Variants in VPS8 observed in about 807,000 individuals in gnomAD.
The protein encoded by VPS8 is vacuolar protein sorting-associated protein 8 homolog.
Under a neutral mutation model 216.4 loss-of-function variants are expected in VPS8, and 129 were observed. The ratio of observed to expected loss-of-function variants is 0.60; its 90% CI spans 0.52 to 0.69. The LOEUF is 0.69. Ranked by LOEUF, VPS8 falls within the 30% of genes least tolerant of loss-of-function variation. VPS8 has a pLI of 0.00. For missense variants in VPS8, 1,531 were observed against 1,683.5 expected (o/e 0.91, Z 1.59); for synonymous variants, 571 against 565.4 (o/e 1.01, Z -0.14).
At chr3:184,907,387 A>G (rs1735688451) in intron 25 of VPS8, among the ~76,000 whole-genome samples, 1 of 152,180 alleles carries the variant, frequency 6.6e-6, no homozygotes, top group Non-Finnish European at 1.5e-5. Context: ...TCCACAAGGA[A>G]TTTCCTTGTG....
At chr3:184,864,290 G>C (rs142818413) in intron 16 of VPS8, among the ~76,000 whole-genome samples, 215 of 152,312 alleles carry the variant, frequency 1.4e-3, no homozygotes, top group African/African-American at 4.8e-3. Flanking sequence ...TTCCAGCCTT[G>C]AGAGAGCATC....
At chr3:184,882,627 T>C (rs1397969322) in intron 21 of VPS8, among the ~76,000 whole-genome samples, 2 of 152,112 alleles carry the variant, frequency 1.3e-5, no homozygotes, top group East Asian at 3.8e-4. Flanking sequence ...AGGGATTGTA[T>C]AGGATTTGTT....
chr3:184,982,764 T>A (rs1423456728), intron 41 of VPS8, 117 bp downstream of exon 41: 4 of 882,314 alleles, frequency 4.5e-6, no homozygotes, highest in Non-Finnish European at 6.8e-6. Flanking sequence ...GATTTTTCCT[T>A]AATGAAACCA....
chr3:184,889,403 T>G (rs866427094), intron 22 of VPS8, among the ~76,000 whole-genome samples: 33 of 152,154 alleles, frequency 2.2e-4, no homozygotes, highest in African/African-American at 7.7e-4. Context: ...CTCTTCCTGG[T>G]GCTTTTCATA....
chr3:184,812,780 G>A (rs1334154386), intron 1 of VPS8: 1 of 152,362 alleles, frequency 6.6e-6, no homozygotes, highest in East Asian at 1.9e-4. Context: ...CCCACTCCCG[G>A]GCGGAACAGG....
At chr3:185,027,128 C>T (rs1757482668) in intron 46 of VPS8, among the ~76,000 whole-genome samples, 1 of 151,954 alleles carries the variant, frequency 6.6e-6, no homozygotes, top group African/African-American at 2.4e-5. Flanking sequence ...CTGATAGTTA[C>T]CGAACACCTT....
At position 184,888,745 on chromosome 3, in the gene VPS8, G is replaced by GTGCC. The variant is rs1731779043; in HGVS notation, c.1781+2591_1781+2592insCCTG. Among the ~76,000 whole-genome samples, 4 of 152,304 alleles carry GTGCC rather than the reference G, an allele frequency of 2.6e-5. No individual in the cohort carries two copies. In the South Asian group the frequency reaches 8.3e-4, roughly 32 times the overall value. On this transcript the variant is annotated intron_variant, in intron 22 of 47. Coordinates refer to ENST00000625842, the MANE Select transcript of VPS8 (RefSeq NM_001009921.3). ...TGAGATAATTTATAAATGAGATGAA[G>GTGCC]TGAAGTGCCTGAAGGACTAAATTTT...
intron 25 of VPS8, among the ~76,000 whole-genome samples, chr3:184,911,326 A>G (rs1424444129): frequency 6.6e-6 from 1 of 152,254 alleles, no homozygotes; most frequent in Non-Finnish European, 1.5e-5. Context: ...AAATACGTTT[A>G]GCTCTCTCTA....
intron 45 of VPS8, among the ~76,000 whole-genome samples, chr3:185,003,116 TTTTTTATTTTTATTTTTA>T (rs71632040): frequency 6.3e-5 from 9 of 143,798 alleles, no homozygotes; most frequent in South Asian, 2.2e-4. Flanking sequence ...CATCTAATAT[TTTTTTATTTTTATTTTTA>T]TTTTTATTTT....
chr3:184,981,677 C>T (rs1158615810), intron 40 of VPS8, among the ~76,000 whole-genome samples: 7 of 152,032 alleles, frequency 4.6e-5, no homozygotes, highest in African/African-American at 1.7e-4. Flanking sequence ...CTCAGGTGGT[C>T]TGCCCGCCTC....
chr3:184,849,039 C>T (rs776179978), intron 8 of VPS8, 32 bp from the exon 9 acceptor site: 2 of 1,610,048 alleles, frequency 1.2e-6, no homozygotes, highest in Non-Finnish European at 1.7e-6. Flanking sequence ...CTTGCATTTC[C>T]TTCACTTGAC....
intron 46 of VPS8, among the ~76,000 whole-genome samples, chr3:185,043,773 A>C (rs966736767): frequency 1.3e-5 from 2 of 152,196 alleles, no homozygotes; most frequent in Non-Finnish European, 2.9e-5. Flanking sequence ...TTGAAATTAA[A>C]GCAGAATCAT....
intron 36 of VPS8, chr3:184,944,517 T>C: frequency 2.0e-6 from 2 of 985,456 alleles, no homozygotes; most frequent in Non-Finnish European, 2.4e-6. Context: ...GCAGTGGGGA[T>C]GCTTAAAGGA....
At chr3:185,006,721 C>G (rs944496525) in intron 45 of VPS8, among the ~76,000 whole-genome samples, 66 of 152,300 alleles carry the variant, frequency 4.3e-4, no homozygotes, top group African/African-American at 1.5e-3. Context: ...ACAGGAGGGC[C>G]CAGTGACTCA....
chr3:185,042,357 T>C (rs1305784179), intron 46 of VPS8, among the ~76,000 whole-genome samples: 1 of 152,232 alleles, frequency 6.6e-6, no homozygotes, highest in African/African-American at 2.4e-5. Context: ...GTACATGCCC[T>C]GTAACAATAA....
At chr3:184,985,023 A>G (rs927073780) in intron 42 of VPS8, among the ~76,000 whole-genome samples, 1 of 152,100 alleles carries the variant, frequency 6.6e-6, no homozygotes, top group African/African-American at 2.4e-5. Flanking sequence ...TCTATTTTCA[A>G]TGGTTGTTAA....
At chr3:184,972,857 G>T (rs1748649182) in intron 40 of VPS8, among the ~76,000 whole-genome samples, 1 of 152,190 alleles carries the variant, frequency 6.6e-6, no homozygotes, top group African/African-American at 2.4e-5. Context: ...GCCCTTCCAG[G>T]GCTCAGGCCT....
intron 1 of VPS8, among the ~76,000 whole-genome samples, chr3:184,813,436 T>A (rs1295457391): frequency 6.6e-6 from 1 of 152,178 alleles, no homozygotes; most frequent in Non-Finnish European, 1.5e-5. Flanking sequence ...TTGAGGTATA[T>A]CTAATATAAA....
At chr3:184,939,415 G>A (rs1018259804) in intron 35 of VPS8, among the ~76,000 whole-genome samples, 2 of 151,024 alleles carry the variant, frequency 1.3e-5, no homozygotes, top group Non-Finnish European at 2.9e-5. Flanking sequence ...AAAAAACAAA[G>A]AAAAACTAAA....
Sources: allele counts gnomAD v4.1 joint callset (sites outside exome capture counted in the v4.1 genomes callset), GRCh38; gene constraint gnomAD v4.1.1; transcripts MANE v1.5; gene names NCBI Gene and HGNC (gene_info 2026-07-23, HGNC 2026-07-21).